The following ERFL variants were observed in gnomAD, a reference collection of about 807,000 sequenced individuals.
ERFL encodes the protein ETS domain-containing transcription factor ERF-like.
A neutral mutation model predicts 27.9 loss-of-function variants in ERFL; 8 were observed. That is an observed-to-expected ratio of 0.29 (90% CI 0.17 to 0.52). The LOEUF is 0.52. Ranked by LOEUF, ERFL falls within the 20% of genes least tolerant of loss-of-function variation. The pLI is 0.97. For synonymous variants in ERFL, 174 were observed against 202.8 expected, an observed-to-expected ratio of 0.86 and a Z score of 1.21; for missense variants, 294 against 444.4, an observed-to-expected ratio of 0.66 and a Z score of 3.04.
intron 1 of ERFL, among the ~76,000 whole-genome samples, chr19:41,926,883 GGAGACAGAGACAGAGATGCTGGGA>G (rs1555853319): frequency 2.0e-5 from 3 of 152,216 alleles, no homozygotes; most frequent in East Asian, 3.9e-4. Flanking sequence ...CCAGCGAGGG[GGAGACAGAGACAGAGATGCTGGGA>G]GAGACAGAGA....
At position 41,916,082 on chromosome 19, in the gene ERFL, G is replaced by A. The variant is rs1011414251; in HGVS notation, c.-13-3150C>T. Among the ~76,000 whole-genome samples the A allele has an allele frequency of 6.6e-5, 10 of 151,688 alleles. No individual in the cohort carries two copies. Among genetic ancestry groups the A allele is most frequent in the Non-Finnish European group, 1.2e-4 (8 of 67,974 alleles). On this transcript the variant is annotated intron_variant, in intron 1 of 5. Transcript: ENST00000597630. The surrounding 1 kb of genome is among the most constrained non-coding windows in gnomAD (Gnocchi z 5.4). ...ACCGAATGTGTGTGCGCATGTGAGC[G>A]AAGCGGTGTGCAGAGGCGCTGGGCA...
At chr19:41,922,098 G>A (rs1328107406) in intron 1 of ERFL, among the ~76,000 whole-genome samples, 1 of 152,098 alleles carries the variant, frequency 6.6e-6, no homozygotes, top group Non-Finnish European at 1.5e-5. Flanking sequence ...AGGGGCGGGG[G>A]CAGAGAGCTG....
chr19:41,915,374 C>T (rs573196906), intron 1 of ERFL, among the ~76,000 whole-genome samples: 112 of 151,506 alleles, frequency 7.4e-4, no homozygotes, highest in African/African-American at 2.5e-3. Flanking sequence ...CTCGCCCTTG[C>T]CCATCGCCTC....
Position 41,916,374 on chromosome 19 carries a change from C to G in ERFL, c.-13-3442G>C, listed in dbSNP as rs1789964662. ...GCTGCCACACACAACCCACATCACACAGATGCATGTGTCAGTAAAGTCACA... is the reference window on the plus strand; with the variant it reads ...GCTGCCACACACAACCCACATCACAGAGATGCATGTGTCAGTAAAGTCACA... On this transcript the variant is annotated intron_variant, in intron 1 of 5. Coordinates refer to ENST00000597630, the MANE Select transcript of ERFL (RefSeq NM_001365103.2). The surrounding 1 kb of genome is among the most constrained non-coding windows in gnomAD (Gnocchi z 5.4). 6.6e-6 allele frequency among the ~76,000 whole-genome samples: 1 copy of G among 152,096 alleles called. No homozygotes were observed. Among genetic ancestry groups the G allele is most frequent in the Admixed American group, 6.6e-5 (1 of 15,266 alleles).
intron 1 of ERFL, among the ~76,000 whole-genome samples, chr19:41,918,907 C>T (rs1555852175): frequency 6.6e-6 from 1 of 151,140 alleles, no homozygotes; most frequent in Non-Finnish European, 1.5e-5. Flanking sequence ...CCATTACACA[C>T]ATACACCACA....
chr19:41,926,705 G>T (rs557634942), intron 1 of ERFL, among the ~76,000 whole-genome samples: 2 of 150,778 alleles, frequency 1.3e-5, no homozygotes, highest in South Asian at 4.1e-4. Context: ...GGCCGCGGCG[G>T]CCGGCCGGGA....
chr19:41,925,744 T>G (rs1398303198), intron 1 of ERFL, among the ~76,000 whole-genome samples: 2 of 152,042 alleles, frequency 1.3e-5, no homozygotes, highest in Non-Finnish European at 2.9e-5. Context: ...TCAGTGTACC[T>G]TGGAAGTCAG....
intron 1 of ERFL, among the ~76,000 whole-genome samples, chr19:41,914,252 C>T (rs2074772796): frequency 6.6e-6 from 1 of 151,388 alleles, no homozygotes; most frequent in Admixed American, 6.6e-5. Flanking sequence ...TCTCCATCTG[C>T]CCCGTCTCGG....
At chr19:41,913,668 C>T (rs2074768040) in intron 1 of ERFL, among the ~76,000 whole-genome samples, 1 of 151,598 alleles carries the variant, frequency 6.6e-6, no homozygotes, top group South Asian at 2.1e-4. Context: ...CCCTTCCCCT[C>T]ACATCTGCCT....
intron 1 of ERFL, among the ~76,000 whole-genome samples, chr19:41,914,139 T>C (rs2074771859): frequency 7.2e-6 from 1 of 139,110 alleles, no homozygotes; most frequent in Non-Finnish European, 1.5e-5. Context: ...TCGCCCGGTC[T>C]CCCCACAGAG....
chr19:41,925,639 G>A (rs1291579830), intron 1 of ERFL, among the ~76,000 whole-genome samples: 1 of 152,070 alleles, frequency 6.6e-6, no homozygotes, highest in African/African-American at 2.4e-5. Context: ...TGGTGCTTGG[G>A]GTTAGGACAC....
rs2074844583 is a variant in ERFL, at chr19:41,921,922, C to G, written c.-14+6118G>C. On this transcript the variant is annotated intron_variant, in intron 1 of 5. Coordinates refer to ENST00000597630, the MANE Select transcript of ERFL (RefSeq NM_001365103.2). The surrounding 1 kb of genome is among the most constrained non-coding windows in gnomAD (Gnocchi z 4.4). ...CACCAGGCCCCACCCCACCCAGACC[C>G]CAGCTCCATCCTCTACCTCTCCTCC... is the stretch of plus-strand genomic sequence containing the variant. Among the ~76,000 whole-genome samples, 1 of 151,492 alleles carries G rather than the reference C, an allele frequency of 6.6e-6. No individual in the cohort carries two copies. Among genetic ancestry groups the G allele is most frequent in the South Asian group, 2.1e-4 (1 of 4,786 alleles).
At chr19:41,918,673 GACACACCACACACACCACATATCCGCC>G (rs1555852148) in intron 1 of ERFL, among the ~76,000 whole-genome samples, 1 of 112,834 alleles carries the variant, frequency 8.9e-6, no homozygotes, top group South Asian at 2.9e-4. Context: ...ACCCATCACA[GACACACCACACACACCACATATCCGCC>G]ACACACCACA....
chr19:41,917,060 G>C lies in ERFL; in HGVS notation c.-13-4128C>G, dbSNP rs1027167370. 2.6e-5 allele frequency among the ~76,000 whole-genome samples: 4 copies of C among 152,130 alleles called. No homozygotes were observed. The highest frequency in any genetic ancestry group is 9.7e-5 in the African/African-American group (4 of 41,434). On this transcript the variant is annotated intron_variant, in intron 1 of 5. Transcript: ENST00000597630. This position sits in a 1 kb window ranked among gnomAD's most constrained non-coding sequence, Gnocchi z 4.8. The stretch of plus-strand genomic sequence containing the variant: ...TGACACGTGCCCTTGTCTCAGACCT[G>C]CTTCTGTGACTGCCTCTCGAGACAC...
chr19:41,925,180 CTGTT>C (rs2074864177), intron 1 of ERFL, among the ~76,000 whole-genome samples: 1 of 152,082 alleles, frequency 6.6e-6, no homozygotes, highest in African/African-American at 2.4e-5. Context: ...GCCTCGGTAT[CTGTT>C]TGCTGATTAA....
intron 1 of ERFL, among the ~76,000 whole-genome samples, chr19:41,914,714 CTGT>C (rs2074783096): frequency 3.5e-5 from 1 of 28,936 alleles, no homozygotes; most frequent in Non-Finnish European, 5.6e-5. Flanking sequence ...TCCACCATCT[CTGT>C]CTCTCCCTCC....
At position 41,910,231 on chromosome 19, in the gene ERFL, C is replaced by T; in HGVS notation, c.68-134G>A. On this transcript the variant is annotated intron_variant, in intron 2 of 5. Coordinates refer to ENST00000597630, the MANE Select transcript of ERFL (RefSeq NM_001365103.2). The surrounding 1 kb of genome is among the most constrained non-coding windows in gnomAD (Gnocchi z 4.4). ...GGCATCTTTAGGGACCTGGTTTCCA[C>T]ACTCCAAACCTCCTCCCTTTGTGTC... 1.2e-6 allele frequency: 1 copy of T among 843,902 alleles called. No homozygotes were observed. Among genetic ancestry groups the T allele is most frequent in the South Asian group, 1.8e-5 (1 of 55,190 alleles). The allele number at this position is 843,902 out of a possible 1,614,324, so 52.3% of individuals were successfully genotyped here.
intron 1 of ERFL, among the ~76,000 whole-genome samples, chr19:41,926,642 C>A (rs2074872105): frequency 6.6e-6 from 1 of 152,072 alleles, no homozygotes; most frequent in Non-Finnish European, 1.5e-5. Flanking sequence ...GGCCTGCTGG[C>A]CTGCCGGGCA....
Position 41,908,594 on chromosome 19 carries a change from C to T in ERFL, c.699G>A (p.Pro233=), listed in dbSNP as rs577519443. ...GCTTGGGGAAGGGGCCCGTGAGGTA[C>T]GGGTTAAAGTTCCAGGGGTACTCAG... ...AFPEYPWNFN[P]YLTGPFPKLP... The change falls in exon 6 of 6, where the codon CCG becomes CCA. Residue 233 remains proline, a synonymous_variant. Transcript: ENST00000597630. The surrounding 1 kb of genome is among the most constrained non-coding windows in gnomAD (Gnocchi z 6.7). The T allele has an allele frequency of 3.3e-5, 41 of 1,231,702 alleles. No individual in the cohort carries two copies. Among genetic ancestry groups the T allele is most frequent in the Admixed American group, 1.3e-4 (3 of 23,698 alleles). The allele number at this position is 1,231,702 out of a possible 1,614,324, so 76.3% of individuals were successfully genotyped here.
Sources: gnomAD v4.1 joint callset for allele counts (sites outside exome capture counted in the v4.1 genomes callset) on GRCh38, gnomAD v4.1.1 for gene constraint, Gnocchi (gnomAD v3.1) non-coding constraint, MANE v1.5 for transcripts, NCBI Gene and HGNC (gene_info 2026-07-23, HGNC 2026-07-21) for gene names.